The following PPP2R3B variants were observed in gnomAD, a reference collection of about 807,000 sequenced individuals.
PPP2R3B encodes protein phosphatase 2 regulatory subunit B''beta, also known as serine/threonine-protein phosphatase 2A regulatory subunit B'' subunit beta.
In PPP2R3B, 68 loss-of-function variants were observed where a neutral mutation model predicts 72.9. The observed-to-expected ratio is 0.93, with a 90% CI of 0.77 to 1.14. The LOEUF (loss-of-function observed/expected upper bound fraction) is 1.14, where lower values mean the gene tolerates loss of function less well. Ranked by LOEUF, PPP2R3B falls within the 50% of genes most tolerant of loss-of-function variation. The pLI is 0.00. For synonymous variants in PPP2R3B, 466 were observed against 375.8 expected, an observed-to-expected ratio of 1.24 and a Z score of -2.78; for missense variants, 1,018 against 842.0, an observed-to-expected ratio of 1.21 and a Z score of -2.59.
At chrX:355,881 C>T (rs2124128179) in intron 2 of PPP2R3B, among the ~76,000 whole-genome samples, 1 of 152,114 alleles carries the variant, frequency 6.6e-6, no homozygotes, top group African/African-American at 2.4e-5. Context: ...CGCAAGGATG[C>T]AGGGACGCCT....
intron 5 of PPP2R3B, 48 bp downstream of exon 5, chrX:346,653 C>T: frequency 6.5e-7 from 1 of 1,548,100 alleles, no homozygotes; most frequent in African/African-American, 1.4e-5. Context: ...GCTGCAGAAA[C>T]ACCCGCGCCC....
chrX:371,353 C>T (rs1603119123), intron 1 of PPP2R3B, among the ~76,000 whole-genome samples: 3 of 152,328 alleles, frequency 2.0e-5, no homozygotes, highest in African/African-American at 7.2e-5. Context: ...CATGCTGTTC[C>T]GTTCCCAAGG....
intron 4 of PPP2R3B, 122 bp from the exon 5 acceptor site, chrX:346,897 C>T: frequency 1.1e-6 from 1 of 948,114 alleles, no homozygotes; most frequent in Non-Finnish European, 1.6e-6. Flanking sequence ...TAGACGCCGG[C>T]CCTCCCGTGA....
chrX:358,956 G>A (rs1293466058), intron 2 of PPP2R3B, among the ~76,000 whole-genome samples: 2 of 148,450 alleles, frequency 1.3e-5, no homozygotes, highest in East Asian at 4.1e-4. Context: ...AGGGGAGGGC[G>A]GGGCGGCGCC....
chrX:357,743 A>C (rs1017534398), intron 2 of PPP2R3B, among the ~76,000 whole-genome samples: 3 of 152,212 alleles, frequency 2.0e-5, no homozygotes, highest in Non-Finnish European at 4.4e-5. Flanking sequence ...ATTAACAAAG[A>C]GAAAAGTGTG....
chrX:365,178 A>C (rs2071680167), intron 1 of PPP2R3B, among the ~76,000 whole-genome samples: 1 of 67,258 alleles, frequency 1.5e-5, no homozygotes, highest in African/African-American at 5.8e-5. Flanking sequence ...GCACTACTGC[A>C]CTCCAGCCTG....
chrX:372,123 G>A (rs2071880046), intron 1 of PPP2R3B, among the ~76,000 whole-genome samples: 1 of 152,106 alleles, frequency 6.6e-6, no homozygotes, highest in Admixed American at 6.5e-5. Context: ...CAGCGAGCCC[G>A]CACCGCCCAG....
At chrX:338,540 GTCCTCCCCA>G in intron 12 of PPP2R3B, 55 bp downstream of exon 12, 4 of 1,170,350 alleles carry the variant, frequency 3.4e-6, no homozygotes, top group Non-Finnish European at 4.6e-6. Context: ...CCACTCACCC[GTCCTCCCCA>G]CTCACCCGTC....
At chrX:357,443 A>G (rs2071459771) in intron 2 of PPP2R3B, among the ~76,000 whole-genome samples, 1 of 152,246 alleles carries the variant, frequency 6.6e-6, no homozygotes, top group South Asian at 2.1e-4. Context: ...GATATTCATG[A>G]GAGAAAGAAC....
At chrX:352,196 T>G (rs1422736996) in intron 2 of PPP2R3B, among the ~76,000 whole-genome samples, 4 of 152,218 alleles carry the variant, frequency 2.6e-5, no homozygotes, top group Non-Finnish European at 4.4e-5. Flanking sequence ...CACAAAATCC[T>G]TATGGGAAAG....
intron 1 of PPP2R3B, chrX:373,439 G>A (rs1439072934): frequency 6.6e-6 from 1 of 152,146 alleles, no homozygotes; most frequent in Non-Finnish European, 1.5e-5. Context: ...CAGCAGCGGC[G>A]AGCGGGGGCC....
At position 338,737 on chromosome X, in the gene PPP2R3B, A is replaced by G. The variant is rs375467751; in HGVS notation, c.1471-27T>C. The G allele has an allele frequency of 5.8e-5, 93 of 1,611,712 alleles. No individual in the cohort carries two copies. The African/African-American group carries it at 1.1e-3, about 20-fold the overall frequency. On this transcript the variant is annotated intron_variant, in intron 11 of 12. Transcript: ENST00000390665. ...TGGAGGAAGCACACGGGTTACGTAC[A>G]CGGCGTGGCGCGGCCCGGCCCGCGT...
intron 1 of PPP2R3B, among the ~76,000 whole-genome samples, chrX:371,789 A>G (rs1418037662): frequency 6.6e-6 from 1 of 151,968 alleles, no homozygotes; most frequent in Non-Finnish European, 1.5e-5. Context: ...GAAAGCAGCC[A>G]GGAAACGTCC....
Position 347,279 on chromosome X carries a change from G to C in PPP2R3B, c.672C>G (p.Pro224=). 2 of 1,613,782 alleles carry C rather than the reference G, an allele frequency of 1.2e-6. No homozygotes were observed. Among genetic ancestry groups the C allele is most frequent in the South Asian group, 1.1e-5 (1 of 91,078 alleles). ...AAKFVHLLMS[P]GCNYLVQEDF... is the part of the protein sequence containing the mutation. The stretch of plus-strand genomic sequence containing the variant: ...CCTCCTGCACCAGGTAGTTGCAGCC[G>C]GGGCTCATGAGCAGATGGACGAACT... The change falls in exon 4 of 13, where the codon CCC becomes CCG. Residue 224 remains proline, a synonymous_variant. Transcript: ENST00000390665.
intron 2 of PPP2R3B, among the ~76,000 whole-genome samples, chrX:354,232 GGC>G (rs1432508519): frequency 2.3e-3 from 125 of 54,516 alleles, no homozygotes; most frequent in Middle Eastern, 0.018. Context: ...AGGGACCGGG[GGC>G]TCACCCAAAC....
rs777120223 is a variant in PPP2R3B, at chrX:376,263, G to T, written c.324+10105C>A. ...ATCCTGAAGTGCACACATAGGCAGA[G>T]ATTTAGACTCTGACCTGGAGCCCTC... On this transcript the variant is annotated intron_variant, in intron 1 of 12. Coordinates refer to ENST00000390665, the MANE Select transcript of PPP2R3B (RefSeq NM_013239.5). Among the ~76,000 whole-genome samples, 6 of 151,742 alleles carry T rather than the reference G, an allele frequency of 4.0e-5. No individual in the cohort carries two copies. In the South Asian group the frequency reaches 8.4e-4, roughly 21 times the overall value.
rs1569379966 is a variant in PPP2R3B, at chrX:341,386, C to G, written c.1096G>C (p.Val366Leu). Residue 366 changes from valine (V) to leucine (L), a missense_variant, in exon 9 of 13, where the codon GTG becomes CTG. Physicochemically the swap from Val to Leu is conservative, Grantham distance 32. Transcript: ENST00000390665. Reference protein sequence around the residue: ...FSGAVTRGRKVQKEGKISYAD... With the variant: ...FSGAVTRGRKLQKEGKISYAD... ...TAGCTGATCTTCCCTTCCTTCTGCACTTTTCTGCCTCTAGATCGAAAGCCA... is the reference window on the plus strand; with the variant it reads ...TAGCTGATCTTCCCTTCCTTCTGCAGTTTTCTGCCTCTAGATCGAAAGCCA... 3.7e-6 allele frequency: 6 copies of G among 1,612,676 alleles called. No individual in the cohort carries two copies. Among genetic ancestry groups the G allele is most frequent in the Non-Finnish European group, 5.1e-6 (6 of 1,179,720 alleles).
chrX:344,879 C>T (rs2071163059), intron 7 of PPP2R3B: 1 of 337,456 alleles, frequency 3.0e-6, no homozygotes, highest in Non-Finnish European at 5.9e-6. Context: ...CCACACACAA[C>T]AGATGCCACC....
chrX:381,593 C>CTTT lies in PPP2R3B; in HGVS notation c.324+4772_324+4774dup, dbSNP rs950950107. Among the ~76,000 whole-genome samples the CTTT allele has an allele frequency of 3.4e-3, 324 of 95,044 alleles. 2 individuals carry two copies. The highest frequency in any genetic ancestry group is 4.3e-3 in the African/African-American group (100 of 23,496). The allele number at this position is 95,044 out of a possible 152,430, so 62.4% of individuals were successfully genotyped here. A position where few individuals can be genotyped will look rare whatever the true frequency, so the allele number is the denominator to read the frequency against. ...ATGGGATGGACAGGAACAAGCTCAT[C>CTTT]TTTTTTTTTTTTTTTTTTTTTTTGA... On this transcript the variant is annotated intron_variant, in intron 1 of 12. Coordinates refer to ENST00000390665, the MANE Select transcript of PPP2R3B (RefSeq NM_013239.5).
Sources: gnomAD v4.1 joint callset for allele counts (sites outside exome capture counted in the v4.1 genomes callset) on GRCh38, gnomAD v4.1.1 for gene constraint, MANE v1.5 for transcripts, NCBI Gene and HGNC (gene_info 2026-07-23, HGNC 2026-07-21) for gene names.